ZNF627: variants seen among roughly 807,000 people sequenced by gnomAD.
ZNF627 encodes zinc finger protein 627.
ZNF627 carries 12 observed loss-of-function variants against 10.6 expected under a neutral mutation model. The observed-to-expected ratio is 1.13, with a 90% CI of 0.73 to 1.84. The LOEUF (loss-of-function observed/expected upper bound fraction) is 1.84, where lower values mean the gene tolerates loss of function less well. Among genes scored for constraint, ZNF627 ranks in the 40% most tolerant of loss-of-function variants. The pLI, the probability that ZNF627 is intolerant of heterozygous loss-of-function variation, is 0.00. For missense variants in ZNF627, 504 were observed against 568.4 expected (o/e 0.89, Z 1.15); for synonymous variants, 176 against 187.1 (o/e 0.94, Z 0.48).
intron 1 of ZNF627, among the ~76,000 whole-genome samples, chr19:11,600,724 T>TAA (rs1445431993): frequency 6.6e-6 from 1 of 152,206 alleles, no homozygotes; most frequent in Non-Finnish European, 1.5e-5. Context: ...TGACAGTGGA[T>TAA]AACTGTTCTC....
intron 3 of ZNF627, among the ~76,000 whole-genome samples, chr19:11,616,081 C>T (rs1973862745): frequency 6.7e-6 from 1 of 149,068 alleles, no homozygotes; most frequent in African/African-American, 2.5e-5. Context: ...TCTTGTTGCC[C>T]AGGCTGAAGT....
chr19:11,615,949 C>A (rs1248869659), intron 3 of ZNF627, among the ~76,000 whole-genome samples: 1 of 151,278 alleles, frequency 6.6e-6, no homozygotes, highest in Non-Finnish European at 1.5e-5. Context: ...GAACTCCTGA[C>A]CTCAGGTGAT....
At chr19:11,607,078 C>T (rs760591249) in intron 1 of ZNF627, among the ~76,000 whole-genome samples, 1 of 152,104 alleles carries the variant, frequency 6.6e-6, no homozygotes, top group African/African-American at 2.4e-5. Flanking sequence ...TTTGGCTTCT[C>T]GTTACTCACA....
chr19:11,611,934 A>G (rs1353783466), intron 1 of ZNF627, among the ~76,000 whole-genome samples: 1 of 152,072 alleles, frequency 6.6e-6, no homozygotes, highest in African/African-American at 2.4e-5. Context: ...TGTGGCACTT[A>G]GCATGAGTGA....
At chr19:11,601,146 C>G (rs951969457) in intron 1 of ZNF627, among the ~76,000 whole-genome samples, 19 of 152,272 alleles carry the variant, frequency 1.2e-4, no homozygotes, top group African/African-American at 4.6e-4. Flanking sequence ...CCCAGCTGCT[C>G]ACAACTGACT....
Position 11,617,466 on chromosome 19 carries a change from T to C in ZNF627, c.963T>C (p.Ser321=), listed in dbSNP as rs1367064886. ...ECGKALTCLA[S]VRRHMIKHTG... The stretch of plus-strand genomic sequence containing the variant: ...GGAAGGCTTTGACTTGTCTTGCAAG[T>C]GTTAGAAGACACATGATAAAGCACA... Residue 321 remains serine, a synonymous_variant, in exon 4 of 4, where the codon AGT becomes AGC. Transcript: ENST00000361113. 6.2e-7 allele frequency: 1 copy of C among 1,613,660 alleles called. No individual in the cohort carries two copies. The highest frequency in any genetic ancestry group is 2.2e-5 in the East Asian group (1 of 44,814).
intron 1 of ZNF627, 116 bp downstream of exon 1, chr19:11,597,746 G>C: frequency 8.7e-7 from 1 of 1,143,554 alleles, no homozygotes; most frequent in Non-Finnish European, 1.1e-6. Flanking sequence ...TCTGGGACCC[G>C]AGTTCCCTCG....
intron 1 of ZNF627, among the ~76,000 whole-genome samples, chr19:11,601,057 A>T (rs1012287254): frequency 5.3e-5 from 8 of 152,192 alleles, no homozygotes; most frequent in African/African-American, 1.9e-4. Context: ...GTGACTTGAA[A>T]CTAAGACCAA....
intron 1 of ZNF627, among the ~76,000 whole-genome samples, chr19:11,599,766 G>T (rs1474107138): frequency 6.6e-6 from 1 of 152,158 alleles, no homozygotes; most frequent in Non-Finnish European, 1.5e-5. Flanking sequence ...AATTAGCTGG[G>T]TGTGGTGGCA....
Position 11,617,083 on chromosome 19 carries a change from C to T in ZNF627, c.580C>T (p.Pro194Ser). 1 of 1,614,060 alleles carries T rather than the reference C, an allele frequency of 6.2e-7. No homozygotes were observed. The highest frequency in any genetic ancestry group is 8.5e-7 in the Non-Finnish European group (1 of 1,180,028). Residue 194 changes from proline to serine, a missense_variant, in exon 4 of 4, where the codon CCT becomes TCT. Physicochemically the swap from Pro to Ser is moderately conservative, Grantham distance 74 (BLOSUM62 -1). Transcript: ENST00000361113. ...CATGTTAACGCATAGGGGAGGTGTA[C>T]CTTACAAATGTAAGGTGTGTGGGAA... ...RHMLTHRGGV[P>S]YKCKVCGKAF...
chr19:11,600,117 ATTAAATAT>A (rs1973559564), intron 1 of ZNF627, among the ~76,000 whole-genome samples: 5 of 152,140 alleles, frequency 3.3e-5, no homozygotes, highest in Non-Finnish European at 7.4e-5. Flanking sequence ...TTCAGAAAAC[ATTAAATAT>A]CTAGTCTTAT....
At chr19:11,610,535 C>T (rs941892336) in intron 1 of ZNF627, among the ~76,000 whole-genome samples, 1 of 151,952 alleles carries the variant, frequency 6.6e-6, no homozygotes, top group Non-Finnish European at 1.5e-5. Flanking sequence ...CTAGGGAGGT[C>T]GAGGTTGCAA....
intron 1 of ZNF627, among the ~76,000 whole-genome samples, chr19:11,600,844 A>G (rs1293574328): frequency 1.3e-5 from 2 of 152,192 alleles, no homozygotes; most frequent in Non-Finnish European, 1.5e-5. Context: ...TACCATAGAA[A>G]GAATAAATAA....
At chr19:11,601,848 A>G (rs141128786) in intron 1 of ZNF627, among the ~76,000 whole-genome samples, 5,564 of 151,738 alleles carry the variant, frequency 0.037, 341 homozygotes, top group African/African-American at 0.13. Context: ...TCTACTAAAA[A>G]TACAAAAATT....
In ZNF627 at chr19:11,617,788, A is replaced by C. The variant is rs555071969; in HGVS notation, c.1285A>C (p.Ser429Arg). ...YECKQCGKAF[S>R]RSTYFRVHEK... ...ATGTAAGCAATGTGGGAAAGCCTTC[A>C]GTCGATCCACTTACTTTCGAGTACA... is the stretch of plus-strand genomic sequence containing the variant. The change falls in exon 4 of 4, where the codon AGT becomes CGT. Residue 429 changes from serine to arginine, a missense_variant. Ser to Arg is a moderately radical substitution (Grantham distance 110). Coordinates refer to ENST00000361113, the MANE Select transcript of ZNF627 (RefSeq NM_145295.4). The C allele has an allele frequency of 4.5e-5, 73 of 1,613,006 alleles. 1 individual carries two copies. The South Asian group carries it at 7.7e-4, about 17-fold the overall frequency.
At chr19:11,597,662 TG>T (rs766540068) in intron 1 of ZNF627, 32 bp downstream of exon 1, 2 of 1,337,590 alleles carry the variant, frequency 1.5e-6, no homozygotes, top group Non-Finnish European at 1.9e-6. Flanking sequence ...TCCCCAGACC[TG>T]GGGGAGGGGC....
chr19:11,616,385 A>G (rs1204144134), intron 3 of ZNF627, among the ~76,000 whole-genome samples: 1 of 152,048 alleles, frequency 6.6e-6, no homozygotes, highest in Non-Finnish European at 1.5e-5. Context: ...GTTGTGACCT[A>G]TTGCAGACCA....
chr19:11,614,497 TTCC>T (rs1272751299), intron 1 of ZNF627, 27 bp from the exon 2 acceptor site: 1 of 1,613,500 alleles, frequency 6.2e-7, no homozygotes, highest in Non-Finnish European at 8.5e-7. Flanking sequence ...TGTCTCAACC[TTCC>T]TCCTCCACAC....
chr19:11,617,172 T>C lies in ZNF627; in HGVS notation c.669T>C (p.Tyr223=). ...HERSHTGEKP[Y]ECKQCGKAFS... The stretch of plus-strand genomic sequence containing the variant: ...GAAGTCACACTGGAGAGAAACCTTA[T>C]GAATGCAAGCAATGTGGGAAAGCCT... Residue 223 remains tyrosine, a synonymous_variant, in exon 4 of 4, where the codon TAT becomes TAC. Coordinates refer to ENST00000361113, the MANE Select transcript of ZNF627 (RefSeq NM_145295.4). The C allele has an allele frequency of 5.0e-6, 8 of 1,613,864 alleles. No homozygotes were observed. The highest frequency in any genetic ancestry group is 6.8e-6 in the Non-Finnish European group (8 of 1,179,972).
Sources: allele counts gnomAD v4.1 joint callset (sites outside exome capture counted in the v4.1 genomes callset), GRCh38; gene constraint gnomAD v4.1.1; transcripts MANE v1.5; gene names NCBI Gene and HGNC (gene_info 2026-07-23, HGNC 2026-07-21).